The following ADAMTSL1 variants were observed in gnomAD, a reference collection of about 807,000 sequenced individuals.
ADAMTSL1 encodes the protein ADAMTS like 1.
Under a neutral mutation model 201.8 loss-of-function variants are expected in ADAMTSL1, and 126 were observed. The observed-to-expected ratio is 0.62, with a 90% CI of 0.54 to 0.72. The LOEUF (loss-of-function observed/expected upper bound fraction) is 0.72, where lower values mean the gene tolerates loss of function less well. Ranked by LOEUF, ADAMTSL1 falls within the 30% of genes least tolerant of loss-of-function variation. The probability of loss-of-function intolerance (pLI) is 0.00; values close to 1 mark genes in which losing one functional copy is unlikely to be tolerated. For missense variants in ADAMTSL1, 2,679 were observed against 2,277.8 expected, an observed-to-expected ratio of 1.18 and a Z score of -3.59; for synonymous variants, 1,121 against 903.4, an observed-to-expected ratio of 1.24 and a Z score of -4.32.
intron 3 of ADAMTSL1, among the ~76,000 whole-genome samples, chr9:18,539,823 T>G (rs148579443): frequency 6.4e-4 from 97 of 152,342 alleles, no homozygotes; most frequent in African/African-American, 2.1e-3. Flanking sequence ...TTCAAATGGC[T>G]ATTAAATCAT....
In ADAMTSL1 at chr9:18,909,391, A is replaced by C. The variant is rs1207877924; in HGVS notation, c.*843A>C. 2 of 152,320 alleles carry C rather than the reference A, an allele frequency of 1.3e-5. No homozygotes were observed. The highest frequency in any genetic ancestry group is 2.9e-5 in the Non-Finnish European group (2 of 68,130). The allele number at this position is 152,320 out of a possible 1,614,324, so 9.4% of individuals were successfully genotyped here. ...CGTGGGAGTCCCCACTTCCCAAGCT[A>C]TCAGAGTCAACGTCCTGCCTGTGCA... On this transcript the variant is annotated 3_prime_UTR_variant, in exon 29 of 29. Coordinates refer to ENST00000380548, the MANE Select transcript of ADAMTSL1 (RefSeq NM_001040272.6).
At chr9:18,098,820 C>T (rs899569107) in intron 1 of ADAMTSL1, among the ~76,000 whole-genome samples, 10 of 152,172 alleles carry the variant, frequency 6.6e-5, no homozygotes, top group Admixed American at 6.5e-4. Context: ...GCATTGTAAT[C>T]TCATCAGGAC....
rs546891777 is a variant in ADAMTSL1 at position 18,218,794 on chromosome 9, A to C, written c.207+54813A>C. On this transcript the variant is annotated intron_variant, in intron 2 of 29. Transcript: ENST00000680146. ...TGAATTTGTCAATCTTTGCATAATG[A>C]TGTGTGCTTTTAATTCTTGTGTAAA... 2.8e-3 allele frequency among the ~76,000 whole-genome samples: 427 copies of C among 152,100 alleles called. 2 individuals carry two copies. Among genetic ancestry groups the C allele is most frequent in the Non-Finnish European group, 4.8e-3 (323 of 67,968 alleles).
At chr9:18,452,970 T>C (rs1820467888) in intron 2 of ADAMTSL1, among the ~76,000 whole-genome samples, 1 of 152,210 alleles carries the variant, frequency 6.6e-6, no homozygotes, top group Non-Finnish European at 1.5e-5. Context: ...AAGGTTCCAA[T>C]AGGCTTTGTC....
rs73420850 is a variant in ADAMTSL1, at chr9:18,089,595, C to A, written c.88-74267C>A. Among the ~76,000 whole-genome samples the A allele has an allele frequency of 5.0e-3, 754 of 152,106 alleles. 7 individuals are homozygous for A. Among genetic ancestry groups the A allele is most frequent in the African/African-American group, 0.017 (709 of 41,482 alleles). On this transcript the variant is annotated intron_variant, in intron 1 of 29. Coordinates refer to the ADAMTSL1 transcript ENST00000680146. ...AAACCTGAATGTTCTGTGCATGTAT[C>A]CCAGAACTTTAATAAAAAAGGAAAA...
intron 7 of ADAMTSL1, among the ~76,000 whole-genome samples, chr9:18,645,359 G>T (rs1286938888): frequency 6.6e-6 from 1 of 152,150 alleles, no homozygotes; most frequent in Admixed American, 6.5e-5. Context: ...TCTGATGGTA[G>T]TTTCTTTTGC....
chr9:18,186,979 A>G (rs995023800), intron 2 of ADAMTSL1, among the ~76,000 whole-genome samples: 6 of 152,134 alleles, frequency 3.9e-5, no homozygotes, highest in Non-Finnish European at 8.8e-5. Context: ...TTTCAACTCT[A>G]AATCCCATGT....
chr9:18,549,777 G>T (rs145690396), intron 3 of ADAMTSL1, among the ~76,000 whole-genome samples: 2,123 of 152,064 alleles, frequency 0.014, 19 homozygotes, highest in South Asian at 0.021. Flanking sequence ...TGTCTTTCTT[G>T]CTTTAGTGAC....
At chr9:18,555,126 A>G (rs1168225625) in intron 3 of ADAMTSL1, among the ~76,000 whole-genome samples, 2 of 151,648 alleles carry the variant, frequency 1.3e-5, no homozygotes. Context: ...TTCCTAGTTT[A>G]TTCCTTCTCT....
Position 18,099,347 on chromosome 9 carries a change from ATATATATATTTTTTTTTTTT to A in ADAMTSL1, c.88-64513_88-64494del, listed in dbSNP as rs1395023070. 1.3e-4 allele frequency among the ~76,000 whole-genome samples: 6 copies of A among 47,332 alleles called. 1 individual carries two copies. The highest frequency in any genetic ancestry group is 4.6e-4 in the African/African-American group (6 of 13,132). 31.1% of individuals were successfully genotyped at this position (47,332 alleles called of 152,430 possible). A position where few individuals can be genotyped will look rare whatever the true frequency, so the allele number is the denominator to read the frequency against. Reference sequence around the variant, plus strand: ...GGAAAATATATATATATATATATATATATATATATTTTTTTTTTTTTTTTTAACATCCATTAATTTTACTA... The same window carrying A: ...GGAAAATATATATATATATATATATATTTTTAACATCCATTAATTTTACTA... On this transcript the variant is annotated intron_variant, in intron 1 of 29. Transcript: ENST00000680146.
chr9:18,370,012 G>A (rs1329003582), intron 2 of ADAMTSL1, among the ~76,000 whole-genome samples: 1 of 152,178 alleles, frequency 6.6e-6, no homozygotes, highest in African/African-American at 2.4e-5. Context: ...GGACGTGGTG[G>A]CTCATGTCTG....
intron 2 of ADAMTSL1, among the ~76,000 whole-genome samples, chr9:18,290,675 G>C (rs1457658325): frequency 6.6e-6 from 1 of 151,850 alleles, no homozygotes; most frequent in African/African-American, 2.4e-5. Flanking sequence ...GACTAGAAAG[G>C]AAAACAACCA....
chr9:17,966,221 G>A (rs1817972737), intron 1 of ADAMTSL1, among the ~76,000 whole-genome samples: 1 of 152,102 alleles, frequency 6.6e-6, no homozygotes, highest in Non-Finnish European at 1.5e-5. Context: ...CAAGCCCATA[G>A]GAAACACAGA....
intron 23 of ADAMTSL1, among the ~76,000 whole-genome samples, chr9:18,853,887 CTCTG>C (rs1433541960): frequency 3.7e-5 from 3 of 80,828 alleles, no homozygotes; most frequent in Admixed American, 1.8e-4. Context: ...TGTATTCACT[CTCTG>C]TGTGTGTGTG....
chr9:18,041,116 G>A (rs1821409293), intron 1 of ADAMTSL1, among the ~76,000 whole-genome samples: 1 of 152,268 alleles, frequency 6.6e-6, no homozygotes, highest in South Asian at 2.1e-4. Flanking sequence ...GAAGCTGGTT[G>A]AAAAACCAGC....
rs142974685 is a variant in ADAMTSL1, at chr9:18,666,455, G to T, written c.1085+4382G>T. Reference sequence around the variant, plus strand: ...CATGTTCTACTGGTAGTCCCAATGGGCATTCCCAGAAGTCCAGAGACACAC... The same window carrying T: ...CATGTTCTACTGGTAGTCCCAATGGTCATTCCCAGAAGTCCAGAGACACAC... On this transcript the variant is annotated intron_variant, in intron 9 of 28. Transcript: ENST00000380548. Among the ~76,000 whole-genome samples, 1,397 of 152,212 alleles carry T rather than the reference G, an allele frequency of 9.2e-3. 14 individuals carry two copies. Among genetic ancestry groups the T allele is most frequent in the African/African-American group, 0.032 (1,323 of 41,526 alleles).
At chr9:17,973,144 G>T (rs1818286246) in intron 1 of ADAMTSL1, among the ~76,000 whole-genome samples, 1 of 150,814 alleles carries the variant, frequency 6.6e-6, no homozygotes, top group African/African-American at 2.4e-5. Context: ...ATTTTCTTTT[G>T]CTGTGCAGAA....
At chr9:18,362,233 G>A (rs1333962086) in intron 2 of ADAMTSL1, 2 of 152,212 alleles carry the variant, frequency 1.3e-5, no homozygotes, top group African/African-American at 4.8e-5. Flanking sequence ...GGAATATAGA[G>A]CAGAATGCAA....
intron 4 of ADAMTSL1, among the ~76,000 whole-genome samples, chr9:18,617,230 G>C (rs1825747157): frequency 6.6e-6 from 1 of 152,156 alleles, no homozygotes; most frequent in South Asian, 2.1e-4. Context: ...CATGATATCT[G>C]CTTATGGATT....
Sources: gnomAD v4.1 joint callset for allele counts (sites outside exome capture counted in the v4.1 genomes callset) on GRCh38, gnomAD v4.1.1 for gene constraint, MANE v1.5 for transcripts, NCBI Gene and HGNC (gene_info 2026-07-23, HGNC 2026-07-21) for gene names.